UGT2B7: variants seen among roughly 807,000 people sequenced by gnomAD.
The protein encoded by UGT2B7 is UDP glucuronosyltransferase family 2 member B7.
Under a neutral mutation model 51.9 loss-of-function variants are expected in UGT2B7, and 51 were observed. The observed-to-expected ratio is 0.98, with a 90% CI of 0.78 to 1.24. UGT2B7 has a LOEUF of 1.24. Among genes scored for constraint, UGT2B7 ranks in the 50% most tolerant of loss-of-function variants. The probability of loss-of-function intolerance (pLI) is 0.00; values close to 1 mark genes in which losing one functional copy is unlikely to be tolerated. For synonymous variants in UGT2B7, 225 were observed against 211.6 expected, an observed-to-expected ratio of 1.06 and a Z score of -0.55; for missense variants, 727 against 628.4, an observed-to-expected ratio of 1.16 and a Z score of -1.68.
At position 69,108,335 on chromosome 4, in the gene UGT2B7, A is replaced by G; in HGVS notation, c.1310+13A>G. The G allele has an allele frequency of 2.5e-6, 4 of 1,611,810 alleles. No homozygotes were observed. The highest frequency in any genetic ancestry group is 3.4e-6 in the Non-Finnish European group (4 of 1,178,250). ...TTAATGATCCTTCGTGAGTAGAACAATATTTTTCACTAGGTGGTATTTACA... is the reference window on the plus strand; with the variant it reads ...TTAATGATCCTTCGTGAGTAGAACAGTATTTTTCACTAGGTGGTATTTACA... On this transcript the variant is annotated intron_variant, in intron 5 of 5. Transcript: ENST00000305231.
At chr4:69,058,471 C>CA (rs1420818715) in intron 1 of UGT2B7, among the ~76,000 whole-genome samples, 1 of 152,154 alleles carries the variant, frequency 6.6e-6, no homozygotes, top group Non-Finnish European at 1.5e-5. Flanking sequence ...TGAGGCAGCC[C>CA]AACTACAGCA....
chr4:69,056,097 C>A (rs898921819), intron 1 of UGT2B7, among the ~76,000 whole-genome samples: 1 of 152,088 alleles, frequency 6.6e-6, no homozygotes, highest in African/African-American at 2.4e-5. Context: ...CACCATTAAG[C>A]CTTCTTTCTT....
chr4:69,096,802 T>G lies in UGT2B7; in HGVS notation c.282T>G (p.Ile94Met), dbSNP rs1719245051. 1 of 1,613,850 alleles carries G rather than the reference T, an allele frequency of 6.2e-7. No homozygotes were observed. The highest frequency in any genetic ancestry group is 1.3e-5 in the African/African-American group (1 of 74,912). ...TGGAGAATTTCATCATGCAACAGAT[T>G]AAGAGATGGTCAGACCTTCCAAAAG... ...TELENFIMQQ[I>M]KRWSDLPKDT... Residue 94 changes from isoleucine to methionine, a missense_variant, in exon 1 of 6, where the codon ATT becomes ATG. Coordinates refer to ENST00000305231, the MANE Select transcript of UGT2B7 (RefSeq NM_001074.4).
intron 1 of UGT2B7, among the ~76,000 whole-genome samples, chr4:69,077,604 A>G (rs368135761): frequency 0.2 from 29,515 of 151,286 alleles, 3,057 homozygotes; most frequent in African/African-American, 0.25. Context: ...GTGTATAGGA[A>G]TGCTTGTGAT....
At chr4:69,095,504 T>C (rs1719199187), upstream of UGT2B7, among the ~76,000 whole-genome samples, 1 of 152,190 alleles carries the variant, frequency 6.6e-6, no homozygotes. Context: ...AAAGGAAAGT[T>C]GATCATTTCA....
chr4:69,108,316 A>G lies in UGT2B7; in HGVS notation c.1304A>G (p.Asp435Gly). The G allele has an allele frequency of 1.2e-6, 2 of 1,613,302 alleles. No individual in the cohort carries two copies. Among genetic ancestry groups the G allele is most frequent in the Non-Finnish European group, 1.7e-6 (2 of 1,179,432 alleles). The change falls in exon 5 of 6, where the codon GAT becomes GGT. Residue 435 changes from aspartate (D) to glycine (G), a missense_variant. Physicochemically the swap from Asp to Gly is moderately conservative, Grantham distance 94. Transcript: ENST00000305231. ...LLNALKRVIN[D>G]PSYKENVMKL... ...AATGCATTGAAGAGAGTAATTAATGATCCTTCGTGAGTAGAACAATATTTT... is the reference window on the plus strand; with the variant it reads ...AATGCATTGAAGAGAGTAATTAATGGTCCTTCGTGAGTAGAACAATATTTT...
Position 69,096,800 on chromosome 4 carries a change from A to T in UGT2B7, c.280A>T (p.Ile94Phe), listed in dbSNP as rs1577920993. 3 of 1,613,878 alleles carry T rather than the reference A, an allele frequency of 1.9e-6. No homozygotes were observed. Among genetic ancestry groups the T allele is most frequent in the African/African-American group, 1.3e-5 (1 of 74,930 alleles). ...TELENFIMQQ[I>F]KRWSDLPKDT... ...GTTGGAGAATTTCATCATGCAACAG[A>T]TTAAGAGATGGTCAGACCTTCCAAA... The change falls in exon 1 of 6, where the codon ATT becomes TTT. Residue 94 changes from isoleucine to phenylalanine, a missense_variant. Ile to Phe is a conservative substitution (Grantham distance 21). Coordinates refer to ENST00000305231, the MANE Select transcript of UGT2B7 (RefSeq NM_001074.4).
intron 2 of UGT2B7, among the ~76,000 whole-genome samples, chr4:69,099,953 T>C (rs1261767751): frequency 6.6e-6 from 1 of 152,014 alleles, no homozygotes; most frequent in East Asian, 1.9e-4. Flanking sequence ...AATTCTACCA[T>C]AGGTAATAAG....
chr4:69,100,362 A>G (rs1029855422), intron 2 of UGT2B7, among the ~76,000 whole-genome samples: 1 of 152,076 alleles, frequency 6.6e-6, no homozygotes, highest in Admixed American at 6.6e-5. Flanking sequence ...ATAAACTCAT[A>G]TATTTTAAAT....
At chr4:69,067,891 G>C (rs1718515973) in intron 1 of UGT2B7, among the ~76,000 whole-genome samples, 1 of 151,936 alleles carries the variant, frequency 6.6e-6, no homozygotes, top group African/African-American at 2.4e-5. Flanking sequence ...GGTAACAGAA[G>C]GATTATAAGA....
chr4:69,110,671 A>T (rs1577929135), intron 5 of UGT2B7, among the ~76,000 whole-genome samples: 1 of 152,152 alleles, frequency 6.6e-6, no homozygotes, highest in East Asian at 1.9e-4. Flanking sequence ...TAAACAAGCA[A>T]ACTAATGTAT....
chr4:69,112,506 G>T lies in UGT2B7; in HGVS notation c.1360G>T (p.Val454Leu). Residue 454 changes from valine to leucine, a missense_variant, in exon 6 of 6, where the codon GTG becomes TTG. Coordinates refer to ENST00000305231, the MANE Select transcript of UGT2B7 (RefSeq NM_001074.4). ...ATCAAGAATTCAACATGATCAACCAGTGAAGCCCCTGGATCGAGCAGTCTT... is the reference window on the plus strand; with the variant it reads ...ATCAAGAATTCAACATGATCAACCATTGAAGCCCCTGGATCGAGCAGTCTT... Reference protein sequence around the residue: ...KLSRIQHDQPVKPLDRAVFWI... With the variant: ...KLSRIQHDQPLKPLDRAVFWI... 6.2e-7 allele frequency: 1 copy of T among 1,613,920 alleles called. No individual in the cohort carries two copies. The highest frequency in any genetic ancestry group is 2.2e-5 in the East Asian group (1 of 44,874).
At chr4:69,095,537 A>G (rs1424678515), upstream of UGT2B7, among the ~76,000 whole-genome samples, 2 of 152,218 alleles carry the variant, frequency 1.3e-5, no homozygotes, top group African/African-American at 2.4e-5. Context: ...TAATATTTAT[A>G]GAAGGATTAA....
intron 1 of UGT2B7, among the ~76,000 whole-genome samples, 156 bp downstream of exon 1, chr4:69,097,397 T>C (rs1032875803): frequency 6.6e-6 from 1 of 152,080 alleles, no homozygotes; most frequent in African/African-American, 2.4e-5. Flanking sequence ...ACAAATATTA[T>C]AGAAAAGCTT....
intron 1 of UGT2B7, 32 bp from the exon 2 acceptor site, chr4:69,098,508 T>A (rs1719315886): frequency 6.4e-7 from 1 of 1,550,886 alleles, no homozygotes. Context: ...TTATCTTGTG[T>A]CATCCACCTT....
chr4:69,052,569 C>CAAA (rs1204317464), intron 1 of UGT2B7, among the ~76,000 whole-genome samples: 411 of 64,086 alleles, frequency 6.4e-3, no homozygotes, highest in Non-Finnish European at 8.1e-3. Context: ...TGGTTATCTT[C>CAAA]AAAAAAAAAA....
At chr4:69,056,980 C>A (rs772832562) in intron 1 of UGT2B7, among the ~76,000 whole-genome samples, 5 of 152,192 alleles carry the variant, frequency 3.3e-5, no homozygotes, top group Admixed American at 6.5e-5. Flanking sequence ...CCAAAACCAG[C>A]CCTGGGCCTG....
intron 1 of UGT2B7, among the ~76,000 whole-genome samples, chr4:69,082,759 T>C (rs1718866794): frequency 6.6e-6 from 1 of 152,100 alleles, no homozygotes; most frequent in South Asian, 2.1e-4. Flanking sequence ...CTAGACAACC[T>C]AGCTAAGATC....
Position 69,112,866 on chromosome 4 carries a change from C to G in UGT2B7, c.*130C>G. 1 of 1,331,778 alleles carries G rather than the reference C, an allele frequency of 7.5e-7. No individual in the cohort carries two copies. The highest frequency in any genetic ancestry group is 9.9e-7 in the Non-Finnish European group (1 of 1,014,954). The allele number at this position is 1,331,778 out of a possible 1,614,324, so 82.5% of individuals were successfully genotyped here. ...AAAAAAAAAGAAAAAAAAATCTTTTCAAAATTTACTTTGTCAAATAAAAAT... is the reference window on the plus strand; with the variant it reads ...AAAAAAAAAGAAAAAAAAATCTTTTGAAAATTTACTTTGTCAAATAAAAAT... On this transcript the variant is annotated 3_prime_UTR_variant, in exon 6 of 6. Transcript: ENST00000305231.
Sources: allele counts gnomAD v4.1 joint callset (sites outside exome capture counted in the v4.1 genomes callset), GRCh38; gene constraint gnomAD v4.1.1; transcripts MANE v1.5; gene names NCBI Gene and HGNC (gene_info 2026-07-23, HGNC 2026-07-21).